Variants in MCC observed in about 807,000 individuals in gnomAD.
The protein encoded by MCC is colorectal mutant cancer protein.
Under a neutral mutation model 116.2 loss-of-function variants are expected in MCC, and 90 were observed. The ratio of observed to expected loss-of-function variants is 0.77; its 90% confidence interval spans 0.65 to 0.92. The LOEUF (loss-of-function observed/expected upper bound fraction) is 0.92, where lower values mean the gene tolerates loss of function less well. Ranked by LOEUF, MCC falls within the 40% of genes least tolerant of loss-of-function variation. MCC has a pLI of 0.00. For missense variants in MCC, 1,516 were observed against 1,312.2 expected (o/e 1.16, Z -2.40); for synonymous variants, 578 against 510.5 (o/e 1.13, Z -1.78).
intron 2 of MCC, among the ~76,000 whole-genome samples, chr5:113,352,130 T>C (rs1393840792): frequency 6.6e-6 from 1 of 152,202 alleles, no homozygotes; most frequent in Non-Finnish European, 1.5e-5. Context: ...AAAAAAACTA[T>C]AGTAGACTGT....
At chr5:113,176,588 T>C (rs756825684) in intron 3 of MCC, among the ~76,000 whole-genome samples, 5 of 152,188 alleles carry the variant, frequency 3.3e-5, no homozygotes. Context: ...ACCCAGAGGA[T>C]GACACTTGAT....
chr5:113,302,761 T>C (rs778206803), intron 3 of MCC, among the ~76,000 whole-genome samples: 26 of 152,214 alleles, frequency 1.7e-4, no homozygotes, highest in Non-Finnish European at 3.2e-4. Flanking sequence ...TTCATGCTAC[T>C]CGCTGTCCAA....
intron 1 of MCC, among the ~76,000 whole-genome samples, chr5:113,466,200 T>C (rs911750297): frequency 7.9e-5 from 12 of 151,762 alleles, no homozygotes; most frequent in African/African-American, 2.9e-4. Context: ...ATTATTATTA[T>C]ACTTTAAGTT....
At chr5:113,055,070 C>G (rs1752741474) in intron 14 of MCC, among the ~76,000 whole-genome samples, 1 of 152,206 alleles carries the variant, frequency 6.6e-6, no homozygotes, top group Admixed American at 6.5e-5. Context: ...AAAGCAGAGG[C>G]CTACTGACCT....
At chr5:113,463,046 T>C (rs967077033) in intron 1 of MCC, among the ~76,000 whole-genome samples, 7 of 152,104 alleles carry the variant, frequency 4.6e-5, no homozygotes, top group African/African-American at 1.7e-4. Flanking sequence ...GCTGAAAAAG[T>C]GTCCCCTGAG....
chr5:113,228,923 G>A (rs528679359), intron 3 of MCC, among the ~76,000 whole-genome samples: 1 of 152,284 alleles, frequency 6.6e-6, no homozygotes, highest in South Asian at 2.1e-4. Flanking sequence ...AAAAATGGAA[G>A]GATTGGGTTG....
intron 2 of MCC, among the ~76,000 whole-genome samples, chr5:113,372,688 A>G (rs184950823): frequency 6.6e-6 from 1 of 152,176 alleles, no homozygotes; most frequent in African/African-American, 2.4e-5. Flanking sequence ...TTCTGCATGT[A>G]AAACACTGTT....
intron 3 of MCC, among the ~76,000 whole-genome samples, chr5:113,259,273 T>C (rs1053819323): frequency 6.6e-6 from 1 of 152,216 alleles, no homozygotes; most frequent in Non-Finnish European, 1.5e-5. Flanking sequence ...TGCCCCATTG[T>C]TACAGATGAA....
chr5:113,089,876 A>T (rs527914346), intron 8 of MCC, among the ~76,000 whole-genome samples: 50 of 152,338 alleles, frequency 3.3e-4, no homozygotes, highest in African/African-American at 1.2e-3. Flanking sequence ...ATGAGAAAGA[A>T]AAACATAAAG....
At chr5:113,414,077 C>T (rs796228223) in intron 1 of MCC, among the ~76,000 whole-genome samples, 36 of 152,092 alleles carry the variant, frequency 2.4e-4, no homozygotes, top group Non-Finnish European at 3.1e-4. Flanking sequence ...TGTAGTTGTG[C>T]GGTTTTGAGT....
chr5:113,346,950 A>G (rs925701396), intron 2 of MCC, among the ~76,000 whole-genome samples: 2 of 152,080 alleles, frequency 1.3e-5, no homozygotes, highest in African/African-American at 4.8e-5. Context: ...GGAAAAAAAA[A>G]AAAAACCCTT....
chr5:113,117,411 A>C (rs1757456475), intron 6 of MCC, among the ~76,000 whole-genome samples: 1 of 152,258 alleles, frequency 6.6e-6, no homozygotes, highest in Non-Finnish European at 1.5e-5. Flanking sequence ...CCAGAAAGCA[A>C]GGTATTCTAT....
intron 1 of MCC, among the ~76,000 whole-genome samples, chr5:113,406,818 A>G (rs747133167): frequency 6.6e-6 from 1 of 152,242 alleles, no homozygotes. Flanking sequence ...GAAGTCCTGC[A>G]TGCAGAGAAC....
At position 113,084,150 on chromosome 5, in the gene MCC, G is replaced by A. The variant is rs756020358; in HGVS notation, c.1586C>T (p.Ser529Leu). 2.5e-5 allele frequency: 41 copies of A among 1,614,004 alleles called. No individual in the cohort carries two copies. The highest frequency in any genetic ancestry group is 3.1e-5 in the Non-Finnish European group (37 of 1,179,996). The change falls in exon 10 of 19, where the codon TCG becomes TTG. Residue 529 changes from serine (S) to leucine (L), a missense_variant. Ser to Leu is a moderately radical substitution (Grantham distance 145, BLOSUM62 -2). Transcript: ENST00000408903. ...CAGGACTGGCCGATCAGATGATGAC[G>A]ATTCGGACCTTGTCTTTGATAGCTT... ...RVKLSKTRSESSSSDRPVLGS... is the reference protein window; with the variant it reads ...RVKLSKTRSELSSSDRPVLGS...
At chr5:113,356,318 AGCATTTATATAT>A (rs1010943179) in intron 2 of MCC, among the ~76,000 whole-genome samples, 12 of 150,268 alleles carry the variant, frequency 8.0e-5, no homozygotes, top group African/African-American at 9.7e-5. Flanking sequence ...AGATATATAT[AGCATTTATATAT>A]GCATTTATAT....
At chr5:113,054,598 T>C (rs1423969879) in intron 14 of MCC, among the ~76,000 whole-genome samples, 1 of 152,202 alleles carries the variant, frequency 6.6e-6, no homozygotes, top group East Asian at 1.9e-4. Context: ...TTTACTTCTG[T>C]TGTTTGCAAC....
chr5:113,028,491 G>C (rs1246679919), intron 18 of MCC, among the ~76,000 whole-genome samples: 1 of 152,074 alleles, frequency 6.6e-6, no homozygotes, highest in Non-Finnish European at 1.5e-5. Flanking sequence ...AGCTCTCTGA[G>C]GTCCTCCGTT....
chr5:113,160,743 GGTAT>G (rs1335360459), intron 3 of MCC, among the ~76,000 whole-genome samples: 3 of 152,196 alleles, frequency 2.0e-5, no homozygotes, highest in Non-Finnish European at 4.4e-5. Context: ...GGGATAGACA[GGTAT>G]TCATTCTTTA....
At chr5:113,236,744 A>C (rs948383213) in intron 3 of MCC, among the ~76,000 whole-genome samples, 4 of 152,188 alleles carry the variant, frequency 2.6e-5, no homozygotes, top group Non-Finnish European at 5.9e-5. Context: ...AAAAAGCCAG[A>C]AGAATACACA....
Sources: allele counts gnomAD v4.1 joint callset (sites outside exome capture counted in the v4.1 genomes callset), GRCh38; gene constraint gnomAD v4.1.1; transcripts MANE v1.5; gene names NCBI Gene and HGNC (gene_info 2026-07-23, HGNC 2026-07-21).